The following COPA variants were observed in gnomAD, a reference collection of about 807,000 sequenced individuals.
The protein encoded by COPA is coatomer subunit alpha.
COPA carries 10 observed loss-of-function variants against 158.7 expected under a neutral mutation model. The ratio of observed to expected loss-of-function variants is 0.06; its 90% CI spans 0.04 to 0.11. COPA has a LOEUF of 0.11. Among genes scored for constraint, COPA ranks in the 10% least tolerant of loss-of-function variants. The pLI, the probability that COPA is intolerant of heterozygous loss-of-function variation, is 1.00. For synonymous variants in COPA, 462 were observed against 542.8 expected (o/e 0.85, Z 2.07); for missense variants, 1,065 against 1,536.7 (o/e 0.69, Z 5.13).
In COPA at chr1:160,307,194, T is replaced by C. The variant is rs1490907370; in HGVS notation, c.1271A>G (p.Asn424Ser). The change falls in exon 14 of 33, where the codon AAT becomes AGT. Residue 424 changes from asparagine to serine, a missense_variant. This residue lies in a region of COPA where 980 missense variants were observed against 1,357.8 expected (regional missense o/e 0.72). Transcript: ENST00000241704. ...SGLTAVWVAR[N>S]RFAVLDRMHS... ...CATCCGATCTAGGACAGCAAACCGA[T>C]TTCGAGCGACCCAAACGGCTGTCAG... 3 of 1,614,206 alleles carry C rather than the reference T, an allele frequency of 1.9e-6. No individual in the cohort carries two copies. In the East Asian group the frequency reaches 6.7e-5, roughly 36 times the overall value.
At chr1:160,331,933 G>A (rs1400205078) in intron 6 of COPA, among the ~76,000 whole-genome samples, 4 of 150,350 alleles carry the variant, frequency 2.7e-5, no homozygotes, top group African/African-American at 9.8e-5. Context: ...GGGCAACAAA[G>A]CAAGACTCCC....
Position 160,292,618 on chromosome 1 carries a change from G to C in COPA, c.2826C>G (p.Leu942=), listed in dbSNP as rs1242091725. The stretch of plus-strand genomic sequence containing the variant: ...GGATTACCCCTACTTGGTCATGAAG[G>C]AGCTGGAACAGAAGGAAAGAAACAA... The part of the protein sequence containing the change: ...LAGSFETAMR[L]LHDQVGVIQF... Residue 942 remains leucine, a splice_region_variant and synonymous_variant, in exon 28 of 33, where the codon CTC becomes CTG. Transcript: ENST00000241704. 1 of 1,587,236 alleles carries C rather than the reference G, an allele frequency of 6.3e-7. No homozygotes were observed. Among genetic ancestry groups the C allele is most frequent in the Non-Finnish European group, 8.5e-7 (1 of 1,169,876 alleles).
Position 160,294,533 on chromosome 1 carries a change from T to C in COPA, c.2627A>G (p.Glu876Gly). 1.2e-6 allele frequency: 2 copies of C among 1,614,186 alleles called. No homozygotes were observed. The highest frequency in any genetic ancestry group is 1.1e-5 in the South Asian group (1 of 91,086). The change falls in exon 25 of 33, where the codon GAA becomes GGA. Residue 876 changes from glutamate to glycine, a missense_variant. Glu to Gly is a moderately conservative substitution (Grantham distance 98). Transcript: ENST00000241704. ...TTCTTCTACATCCCAGCCACCTCCTTCTTCCTGTCCCTTGCCAAGAGCATC... is the reference window on the plus strand; with the variant it reads ...TTCTTCTACATCCCAGCCACCTCCTCCTTCCTGTCCCTTGCCAAGAGCATC... ...GDDALGKGQE[E>G]GGGWDVEEDL... is the part of the protein sequence containing the mutation.
chr1:160,321,503 C>G (rs535532589), intron 8 of COPA, among the ~76,000 whole-genome samples: 1 of 152,232 alleles, frequency 6.6e-6, no homozygotes, highest in Non-Finnish European at 1.5e-5. Flanking sequence ...AAATCAGTAG[C>G]ATGACCAGGT....
At position 160,292,116 on chromosome 1, in the gene COPA, G is replaced by C; in HGVS notation, c.3043C>G (p.Gln1015Glu). ...TCAAATTTGCCAACTGTGGTGAGCT[G>C]GTAGCACAGCTGCAACCGTTGGATG... ...DLIQRLQLCY[Q>E]LTTVGKFEEA... The change falls in exon 29 of 33, where the codon CAG (glutamine) becomes GAG (glutamate). Residue 1015 changes from glutamine to glutamate, a missense_variant. Around this residue, in one of 2 missense-constraint regions of COPA, gnomAD observed 980 missense variants for 1,357.8 expected, o/e 0.72. Coordinates refer to ENST00000241704, the MANE Select transcript of COPA (RefSeq NM_004371.4). 1 of 1,614,176 alleles carries C rather than the reference G, an allele frequency of 6.2e-7. No individual in the cohort carries two copies. Among genetic ancestry groups the C allele is most frequent in the Non-Finnish European group, 8.5e-7 (1 of 1,180,036 alleles).
intron 1 of COPA, among the ~76,000 whole-genome samples, chr1:160,341,180 C>T (rs926793585): frequency 6.6e-6 from 1 of 152,186 alleles, no homozygotes; most frequent in Non-Finnish European, 1.5e-5. Context: ...AAATGGAAGT[C>T]CCCAGAGGTA....
chr1:160,327,198 A>T (rs1215442116), intron 6 of COPA, among the ~76,000 whole-genome samples: 3 of 152,266 alleles, frequency 2.0e-5, no homozygotes, highest in African/African-American at 7.2e-5. Flanking sequence ...AATATTTTTT[A>T]AAAAGACAGT....
At position 160,297,398 on chromosome 1, in the gene COPA, G is replaced by A; in HGVS notation, c.2208C>T (p.Ala736=). The A allele has an allele frequency of 6.2e-7, 1 of 1,614,084 alleles. No individual in the cohort carries two copies. The highest frequency in any genetic ancestry group is 8.5e-7 in the Non-Finnish European group (1 of 1,180,016). The change falls in exon 21 of 33, where the codon GCC becomes GCT. Residue 736 remains alanine (A), a synonymous_variant. Coordinates refer to ENST00000241704, the MANE Select transcript of COPA (RefSeq NM_004371.4). ...GCTCTGACACATCACCCAGGTATAG[G>A]GCATTCTGATAGTGGCCACTCATGT... ...RKDMSGHYQN[A]LYLGDVSERV...
intron 17 of COPA, among the ~76,000 whole-genome samples, chr1:160,301,698 A>G (rs976914457): frequency 6.6e-6 from 1 of 152,126 alleles, no homozygotes; most frequent in South Asian, 2.1e-4. Context: ...ACTTGAGCCC[A>G]GGAGGCAGAG....
intron 8 of COPA, among the ~76,000 whole-genome samples, chr1:160,315,256 A>G (rs1361703244): frequency 1.3e-5 from 2 of 152,148 alleles, no homozygotes; most frequent in Admixed American, 6.5e-5. Context: ...CTGGCAGGAG[A>G]TCTAACCTTG....
chr1:160,288,900 T>G lies in COPA; in HGVS notation c.*1257A>C, dbSNP rs951328526. ...GCAATCAAAAACAGAATAAGGGAGC[T>G]ACTTGCTTTCTATCATTTTCACAGC... On this transcript the variant is annotated 3_prime_UTR_variant, in exon 33 of 33. Coordinates refer to ENST00000241704, the MANE Select transcript of COPA (RefSeq NM_004371.4). 1.3e-5 allele frequency among the ~76,000 whole-genome samples: 2 copies of G among 152,212 alleles called. No individual in the cohort carries two copies. The highest frequency in any genetic ancestry group is 4.8e-5 in the African/African-American group (2 of 41,452).
chr1:160,333,981 G>T (rs533807749), intron 4 of COPA, among the ~76,000 whole-genome samples: 3 of 152,062 alleles, frequency 2.0e-5, no homozygotes, highest in Non-Finnish European at 4.4e-5. Flanking sequence ...GTGTGTGTGT[G>T]TGTGTATTTA....
chr1:160,327,484 G>A lies in COPA; in HGVS notation c.497-1832C>T, dbSNP rs547420907. 8.6e-5 allele frequency among the ~76,000 whole-genome samples: 13 copies of A among 150,994 alleles called. No homozygotes were observed. In the East Asian group the frequency reaches 2.2e-3, roughly 25 times the overall value. On this transcript the variant is annotated intron_variant, in intron 6 of 32. Coordinates refer to ENST00000241704, the MANE Select transcript of COPA (RefSeq NM_004371.4). ...CCCGGGGGGCGGGGCTGGGGGGGGC[G>A]CAGCGCGGAGGTTGCAGTGAGCCAA...
chr1:160,310,674 A>G (rs1273255898), intron 11 of COPA, among the ~76,000 whole-genome samples: 1 of 152,126 alleles, frequency 6.6e-6, no homozygotes, highest in Admixed American at 6.5e-5. Context: ...TATTGTAATG[A>G]TGCTAAAGGG....
chr1:160,325,409 A>G (rs1326741615), intron 7 of COPA, 134 bp downstream of exon 7: 1 of 717,176 alleles, frequency 1.4e-6, no homozygotes, highest in Non-Finnish European at 2.4e-6. Context: ...TTTGATTTCT[A>G]GTACCTCAAA....
At chr1:160,326,958 T>C (rs953337626) in intron 6 of COPA, among the ~76,000 whole-genome samples, 9 of 152,210 alleles carry the variant, frequency 5.9e-5, no homozygotes, top group African/African-American at 9.6e-5. Context: ...ATTTGTGCTA[T>C]AGTCAGAACC....
At chr1:160,300,201 G>A (rs1439403459) in intron 17 of COPA, among the ~76,000 whole-genome samples, 2 of 151,892 alleles carry the variant, frequency 1.3e-5, no homozygotes, top group Non-Finnish European at 2.9e-5. Flanking sequence ...TTAGCCAGGA[G>A]TGGTGGTGCA....
At chr1:160,317,323 T>G in intron 8 of COPA, 9 of 1,329,382 alleles carry the variant, frequency 6.8e-6, no homozygotes, top group Non-Finnish European at 9.7e-6. Flanking sequence ...GGGAGAAGGA[T>G]TTGTAAACCC....
chr1:160,293,533 C>CTCAAAAA, intron 25 of COPA, 70 bp from the exon 26 acceptor site: 1 of 1,212,702 alleles, frequency 8.2e-7, no homozygotes, highest in Non-Finnish European at 1.1e-6. Context: ...CACACTCTGT[C>CTCAAAAA]ACCTAGACTG....
Sources: allele counts gnomAD v4.1 joint callset (sites outside exome capture counted in the v4.1 genomes callset), GRCh38; gene constraint gnomAD v4.1.1; regional missense constraint gnomAD v4.1.1; transcripts MANE v1.5; gene names NCBI Gene and HGNC (gene_info 2026-07-23, HGNC 2026-07-21).